Variants in LINGO2 observed in about 807,000 individuals in gnomAD.
The protein encoded by LINGO2 is leucine rich repeat and Ig domain containing 2.
In LINGO2, 14 loss-of-function variants were observed where a neutral mutation model predicts 30.6. That is an observed-to-expected ratio of 0.46 (90% CI 0.30 to 0.72). The LOEUF is 0.72. Among genes scored for constraint, LINGO2 ranks in the 30% least tolerant of loss-of-function variants. The pLI is 0.07. For synonymous variants in LINGO2, 317 were observed against 288.5 expected (o/e 1.10, Z -1.00); for missense variants, 729 against 751.7 (o/e 0.97, Z 0.35).
Position 28,209,195 on chromosome 9 carries a change from C to T in LINGO2, c.-87+86013G>A, listed in dbSNP as rs373526099. ...ATTTATCCATTCTCTAAACATTTTA[C>T]GATGACATTGACTTTAGTTTTAACA... On this transcript the variant is annotated intron_variant, in intron 4 of 5. Transcript: ENST00000379992. Among the ~76,000 whole-genome samples the T allele has an allele frequency of 1.2e-3, 187 of 152,062 alleles. 2 individuals carry two copies. The South Asian group carries it at 0.016, about 13-fold the overall frequency.
chr9:28,981,400 G>C, the LINGO2 span, among the ~76,000 whole-genome samples: 1 of 152,032 alleles, frequency 6.6e-6, no homozygotes, highest in Non-Finnish European at 1.5e-5. Context: ...CAAAAGAATA[G>C]AGTATTTCTT....
chr9:29,113,934 A>G, the LINGO2 span, among the ~76,000 whole-genome samples: 6 of 151,510 alleles, frequency 4.0e-5, no homozygotes, highest in South Asian at 2.1e-4. Context: ...ATATGAGGGT[A>G]ATCTGAGAAA....
chr9:28,277,857 A>AC (rs1402339285), intron 4 of LINGO2, among the ~76,000 whole-genome samples: 1 of 151,742 alleles, frequency 6.6e-6, no homozygotes, highest in Non-Finnish European at 1.5e-5. Flanking sequence ...AAACAAAAAA[A>AC]AAAACAACTA....
chr9:29,070,409 A>T, the LINGO2 span, among the ~76,000 whole-genome samples: 1 of 152,132 alleles, frequency 6.6e-6, no homozygotes, highest in African/African-American at 2.4e-5. Context: ...GAAGCAATGC[A>T]TTGACCTCGG....
chr9:29,067,829 TAG>T, the LINGO2 span, among the ~76,000 whole-genome samples: 5 of 141,046 alleles, frequency 3.5e-5, no homozygotes, highest in Non-Finnish European at 7.7e-5. Flanking sequence ...CAAGAGAAAA[TAG>T]AGTGACACAA....
chr9:28,689,864 A>T, the LINGO2 span, among the ~76,000 whole-genome samples: 1 of 152,224 alleles, frequency 6.6e-6, no homozygotes, highest in Admixed American at 6.6e-5. Flanking sequence ...TGTGGTACAT[A>T]TATACCATGA....
chr9:29,132,762 T>C, the LINGO2 span, among the ~76,000 whole-genome samples: 1 of 152,202 alleles, frequency 6.6e-6, no homozygotes, highest in African/African-American at 2.4e-5. Flanking sequence ...TAACACTTGC[T>C]AGTTCAGATC....
At chr9:28,134,467 C>T (rs1047760960) in intron 4 of LINGO2, among the ~76,000 whole-genome samples, 8 of 152,210 alleles carry the variant, frequency 5.3e-5, no homozygotes, top group African/African-American at 1.7e-4. Context: ...GAAGCTGTAA[C>T]TCCAATGATA....
At chr9:28,700,052 AT>A in the LINGO2 span, among the ~76,000 whole-genome samples, 1 of 151,996 alleles carries the variant, frequency 6.6e-6, no homozygotes, top group Non-Finnish European at 1.5e-5. Context: ...CCTTTGAAGC[AT>A]GTGATCTTTG....
intron 4 of LINGO2, among the ~76,000 whole-genome samples, chr9:28,069,694 G>GA (rs2133166613): frequency 6.6e-6 from 1 of 152,224 alleles, no homozygotes; most frequent in South Asian, 2.1e-4. Context: ...CTACGTTGAG[G>GA]AGCATACTGA....
chr9:28,597,538 AT>A (rs1037816453), intron 1 of LINGO2, among the ~76,000 whole-genome samples: 2 of 152,192 alleles, frequency 1.3e-5, no homozygotes, highest in Non-Finnish European at 2.9e-5. Flanking sequence ...TAGTAACAGT[AT>A]TTTAAAAGTA....
chr9:28,336,404 A>G (rs557809589), intron 3 of LINGO2, among the ~76,000 whole-genome samples: 1 of 152,262 alleles, frequency 6.6e-6, no homozygotes, highest in South Asian at 2.1e-4. Flanking sequence ...TCACAGAACA[A>G]AAGTTATTAA....
intron 1 of LINGO2, among the ~76,000 whole-genome samples, chr9:28,538,705 G>GA (rs1821541941): frequency 6.6e-6 from 1 of 152,110 alleles, no homozygotes; most frequent in South Asian, 2.1e-4. Context: ...GAAGGTGCAA[G>GA]AAAGAGTGAA....
At chr9:28,322,184 C>T (rs1192164284) in intron 3 of LINGO2, among the ~76,000 whole-genome samples, 1 of 152,124 alleles carries the variant, frequency 6.6e-6, no homozygotes, top group African/African-American at 2.4e-5. Flanking sequence ...CTCCAACTGT[C>T]CCTTTTGCCT....
chr9:28,943,823 C>T, the LINGO2 span, among the ~76,000 whole-genome samples: 1 of 152,114 alleles, frequency 6.6e-6, no homozygotes, highest in Admixed American at 6.6e-5. Flanking sequence ...CTATAGGGTA[C>T]ATGTATAATA....
intron 5 of LINGO2, among the ~76,000 whole-genome samples, chr9:27,957,135 C>T (rs1432078819): frequency 1.3e-5 from 2 of 152,018 alleles, no homozygotes; most frequent in Non-Finnish European, 2.9e-5. Flanking sequence ...TAAATACTTT[C>T]TTTTCCCTAT....
At position 28,521,678 on chromosome 9, in the gene LINGO2, G is replaced by C. The variant is rs575866731; in HGVS notation, c.-364-45653C>G. 3.9e-5 allele frequency among the ~76,000 whole-genome samples: 6 copies of C among 152,284 alleles called. No homozygotes were observed. In the South Asian group the frequency reaches 1.2e-3, roughly 32 times the overall value. On this transcript the variant is annotated intron_variant, in intron 1 of 5. Coordinates refer to ENST00000379992, the Ensembl canonical transcript of LINGO2. The stretch of plus-strand genomic sequence containing the variant: ...GTATGCAGGTGCACTGGATTGAATA[G>C]TGTTTTCCCCAAAATTAATGTTCAC...
chr9:28,562,524 G>A (rs903679620), intron 1 of LINGO2, among the ~76,000 whole-genome samples: 4 of 146,252 alleles, frequency 2.7e-5, no homozygotes, highest in African/African-American at 1.0e-4. Flanking sequence ...CACCAGGAAA[G>A]TATATGTTTC....
At chr9:28,947,212 C>T in the LINGO2 span, among the ~76,000 whole-genome samples, 1 of 151,818 alleles carries the variant, frequency 6.6e-6, no homozygotes, top group Non-Finnish European at 1.5e-5. Flanking sequence ...CTTCAATTTC[C>T]ATTATGCTGA....
Sources: gnomAD v4.1 joint callset for allele counts (sites outside exome capture counted in the v4.1 genomes callset) on GRCh38, gnomAD v4.1.1 for gene constraint, MANE v1.5 for transcripts, NCBI Gene and HGNC (gene_info 2026-07-23, HGNC 2026-07-21) for gene names.